CCSER1: variants seen among roughly 807,000 people sequenced by gnomAD.
The protein encoded by CCSER1 is coiled-coil serine rich protein 1.
In CCSER1, 41 loss-of-function variants were observed where a neutral mutation model predicts 82.0. The observed-to-expected ratio is 0.50, with a 90% confidence interval of 0.39 to 0.65. CCSER1 has a LOEUF of 0.65. Among genes scored for constraint, CCSER1 ranks in the 30% least tolerant of loss-of-function variants. The pLI is 0.00. For synonymous variants in CCSER1, 414 were observed against 383.9 expected (o/e 1.08, Z -0.92); for missense variants, 1,119 against 1,064.2 (o/e 1.05, Z -0.72).
At chr4:91,103,435 TA>T (rs1043208111) in intron 10 of CCSER1, among the ~76,000 whole-genome samples, 21 of 152,188 alleles carry the variant, frequency 1.4e-4, no homozygotes, top group Non-Finnish European at 2.5e-4. Context: ...AATGCATTTC[TA>T]ATTTTTTAGC....
At chr4:91,149,443 A>G (rs1052867947) in intron 10 of CCSER1, among the ~76,000 whole-genome samples, 24 of 152,120 alleles carry the variant, frequency 1.6e-4, no homozygotes, top group African/African-American at 5.6e-4. Flanking sequence ...ATTCACTCTG[A>G]TGGTAGTTTC....
chr4:90,255,168 T>C (rs1723054904), intron 1 of CCSER1, among the ~76,000 whole-genome samples: 1 of 152,180 alleles, frequency 6.6e-6, no homozygotes, highest in Non-Finnish European at 1.5e-5. Context: ...TAAACACTAT[T>C]TTCAAGTCCT....
intron 3 of CCSER1, among the ~76,000 whole-genome samples, chr4:90,323,938 C>A (rs183946690): frequency 6.6e-6 from 1 of 151,822 alleles, no homozygotes; most frequent in South Asian, 2.1e-4. Context: ...TTTGTTCTTG[C>A]GATAGTTTAC....
intron 1 of CCSER1, among the ~76,000 whole-genome samples, chr4:90,263,900 T>G (rs902042983): frequency 1.3e-5 from 2 of 152,156 alleles, no homozygotes; most frequent in Admixed American, 1.3e-4. Flanking sequence ...ATTACCCCAG[T>G]GGCCTGAGAG....
chr4:90,867,809 G>C (rs534626865), intron 8 of CCSER1, among the ~76,000 whole-genome samples: 2 of 151,958 alleles, frequency 1.3e-5, no homozygotes, highest in African/African-American at 4.8e-5. Flanking sequence ...TTGACTTTCT[G>C]TACCTGGCTT....
At chr4:91,191,646 T>C (rs930063768) in intron 10 of CCSER1, among the ~76,000 whole-genome samples, 2 of 152,262 alleles carry the variant, frequency 1.3e-5, no homozygotes, top group Admixed American at 1.3e-4. Context: ...CCAAGGCAGG[T>C]TCCACAGTTT....
At chr4:90,862,629 C>T (rs940277502) in intron 8 of CCSER1, among the ~76,000 whole-genome samples, 2 of 151,836 alleles carry the variant, frequency 1.3e-5, no homozygotes, top group African/African-American at 2.4e-5. Context: ...TCCAGCAATT[C>T]AAGATGGAAA....
chr4:90,389,859 G>C (rs560812010), intron 3 of CCSER1, among the ~76,000 whole-genome samples: 1 of 151,970 alleles, frequency 6.6e-6, no homozygotes, highest in South Asian at 2.1e-4. Flanking sequence ...ATGCAGTCTT[G>C]CTATGTTGCC....
At chr4:90,661,458 A>G (rs1730763191) in intron 6 of CCSER1, among the ~76,000 whole-genome samples, 1 of 152,204 alleles carries the variant, frequency 6.6e-6, no homozygotes, top group Non-Finnish European at 1.5e-5. Flanking sequence ...GTAATTGAAG[A>G]ATAGAATAGA....
intron 10 of CCSER1, among the ~76,000 whole-genome samples, chr4:91,468,104 A>T (rs1757035148): frequency 6.6e-6 from 1 of 152,214 alleles, no homozygotes; most frequent in Non-Finnish European, 1.5e-5. Context: ...AACCAACCCA[A>T]ATGTCCAACA....
intron 4 of CCSER1, among the ~76,000 whole-genome samples, chr4:90,465,812 T>G (rs1399256762): frequency 6.6e-6 from 1 of 152,190 alleles, no homozygotes; most frequent in Admixed American, 6.5e-5. Flanking sequence ...TTTATACAAT[T>G]ACTCACAGTT....
chr4:91,211,104 T>C (rs998750782), intron 10 of CCSER1, among the ~76,000 whole-genome samples: 5 of 152,006 alleles, frequency 3.3e-5, no homozygotes, highest in African/African-American at 9.7e-5. Context: ...ATCTCCCTTA[T>C]GTTTGCAAAC....
At chr4:91,329,616 C>T (rs1560592712) in intron 10 of CCSER1, among the ~76,000 whole-genome samples, 2 of 152,284 alleles carry the variant, frequency 1.3e-5, no homozygotes, top group East Asian at 3.9e-4. Flanking sequence ...TGAGGACCCT[C>T]TTCCTGGTTG....
chr4:90,656,927 A>G (rs914007344), intron 6 of CCSER1, among the ~76,000 whole-genome samples: 1 of 152,004 alleles, frequency 6.6e-6, no homozygotes, highest in African/African-American at 2.4e-5. Flanking sequence ...TACTTTATTT[A>G]TCTCTCATTT....
intron 8 of CCSER1, among the ~76,000 whole-genome samples, chr4:90,833,721 C>T (rs981589647): frequency 1.1e-4 from 16 of 151,976 alleles, no homozygotes; most frequent in Admixed American, 1.1e-3. Flanking sequence ...ACAAACAAAC[C>T]CTTTTCCTGT....
At chr4:91,554,710 T>C (rs1560759772) in intron 10 of CCSER1, among the ~76,000 whole-genome samples, 1 of 151,228 alleles carries the variant, frequency 6.6e-6, no homozygotes, top group African/African-American at 2.4e-5. Context: ...TAAATTTATA[T>C]AGAGCTACAA....
chr4:90,519,787 C>G (rs1033556919), intron 5 of CCSER1, among the ~76,000 whole-genome samples: 1 of 151,970 alleles, frequency 6.6e-6, no homozygotes, highest in Non-Finnish European at 1.5e-5. Context: ...ACTTTGGAAG[C>G]AAAAGATCAT....
intron 8 of CCSER1, among the ~76,000 whole-genome samples, chr4:90,836,377 A>G (rs962714173): frequency 2.0e-5 from 3 of 152,010 alleles, no homozygotes; most frequent in African/African-American, 7.2e-5. Context: ...ATGGATGAGC[A>G]GATGCATATT....
chr4:91,072,431 A>G (rs1173910436), intron 9 of CCSER1, among the ~76,000 whole-genome samples: 1 of 152,028 alleles, frequency 6.6e-6, no homozygotes, highest in Non-Finnish European at 1.5e-5. Context: ...TGAATTCAAA[A>G]CCAATCATTT....
Sources: allele counts gnomAD v4.1 joint callset (sites outside exome capture counted in the v4.1 genomes callset), GRCh38; gene constraint gnomAD v4.1.1; transcripts MANE v1.5; gene names NCBI Gene and HGNC (gene_info 2026-07-23, HGNC 2026-07-21).